CNST: variants seen among roughly 807,000 people sequenced by gnomAD.
The protein encoded by CNST is consortin.
A neutral mutation model predicts 72.4 loss-of-function variants in CNST; 39 were observed. That is an observed-to-expected ratio of 0.54 (90% confidence interval 0.42 to 0.70). The LOEUF (loss-of-function observed/expected upper bound fraction) is 0.70, where lower values mean the gene tolerates loss of function less well. CNST is among the 30% of genes least tolerant of loss of function. The pLI, the probability that CNST is intolerant of heterozygous loss-of-function variation, is 0.00. For synonymous variants in CNST, 332 were observed against 320.1 expected, an observed-to-expected ratio of 1.04 and a Z score of -0.40; for missense variants, 871 against 868.5, an observed-to-expected ratio of 1.00 and a Z score of -0.04.
At chr1:246,598,048 G>A (rs868356140) in intron 2 of CNST, among the ~76,000 whole-genome samples, 2 of 152,026 alleles carry the variant, frequency 1.3e-5, no homozygotes, top group African/African-American at 4.8e-5. Context: ...TGGCGTGCTC[G>A]TGGCTCAAAA....
intron 2 of CNST, among the ~76,000 whole-genome samples, chr1:246,620,603 G>A (rs113185063): frequency 1.5e-5 from 2 of 135,060 alleles, no homozygotes; most frequent in South Asian, 2.5e-4. Flanking sequence ...GGCTTCAGTC[G>A]TGCATACACA....
chr1:246,655,735 A>G (rs1666736453), intron 9 of CNST, among the ~76,000 whole-genome samples: 1 of 152,246 alleles, frequency 6.6e-6, no homozygotes, highest in Non-Finnish European at 1.5e-5. Context: ...GAGGTTTGAT[A>G]CTGAATTTGT....
At chr1:246,586,111 A>ATATATATGTGTGTGTGTGTGTG (rs777928408) in intron 1 of CNST, among the ~76,000 whole-genome samples, 5 of 102,700 alleles carry the variant, frequency 4.9e-5, no homozygotes, top group African/African-American at 2.0e-4. Context: ...ATATATATAT[A>ATATATATGTGTGTGTGTGTGTG]TGTGTGTGTG....
At chr1:246,568,644 C>T (rs1156284799) in intron 1 of CNST, among the ~76,000 whole-genome samples, 3 of 152,188 alleles carry the variant, frequency 2.0e-5, no homozygotes, top group Non-Finnish European at 4.4e-5. Context: ...GGTGCCATCT[C>T]GGTTCACTGC....
At chr1:246,663,404 T>C (rs1365563829) in intron 10 of CNST, among the ~76,000 whole-genome samples, 1 of 151,940 alleles carries the variant, frequency 6.6e-6, no homozygotes, top group African/African-American at 2.4e-5. Context: ...AATATGATCC[T>C]ATTTCTTCAT....
intron 6 of CNST, among the ~76,000 whole-genome samples, chr1:246,641,161 CA>C (rs1259109840): frequency 6.6e-6 from 1 of 152,170 alleles, no homozygotes; most frequent in Non-Finnish European, 1.5e-5. Context: ...TGTTTTATTG[CA>C]GTACAGATTT....
At chr1:246,595,026 A>G (rs1661788073) in intron 2 of CNST, among the ~76,000 whole-genome samples, 1 of 152,170 alleles carries the variant, frequency 6.6e-6, no homozygotes, top group Non-Finnish European at 1.5e-5. Flanking sequence ...TATATTTTAC[A>G]GATACATTTT....
intron 9 of CNST, among the ~76,000 whole-genome samples, chr1:246,652,269 G>C (rs1418260220): frequency 6.6e-6 from 1 of 152,100 alleles, no homozygotes; most frequent in Non-Finnish European, 1.5e-5. Flanking sequence ...GACTCAGAGG[G>C]AGCTCCTAGC....
At chr1:246,644,129 G>A (rs893955890) in intron 8 of CNST, among the ~76,000 whole-genome samples, 7 of 152,230 alleles carry the variant, frequency 4.6e-5, no homozygotes, top group East Asian at 1.9e-4. Context: ...TGCCGGGCGC[G>A]ATGGCTCATG....
At position 246,665,813 on chromosome 1, in the gene CNST, G is replaced by A. The variant is rs377560988; in HGVS notation, c.2086G>A (p.Val696Ile). Reference sequence around the variant, plus strand: ...CACTTTCGGTGACATGGAGTCACCTGTTTGTACTGACTTTGCAGACAACAT... The same window carrying A: ...CACTTTCGGTGACATGGAGTCACCTATTTGTACTGACTTTGCAGACAACAT... ...YCTFGDMESP[V>I]CTDFADNMDF... is the part of the protein sequence containing the mutation. Residue 696 changes from valine (V) to isoleucine (I), a missense_variant, in exon 11 of 11, where the codon GTT (valine) becomes ATT (isoleucine). Val to Ile is a conservative substitution (Grantham distance 29). Transcript: ENST00000366513. 1 of 1,613,700 alleles carries A rather than the reference G, an allele frequency of 6.2e-7. No homozygotes were observed. The highest frequency in any genetic ancestry group is 8.5e-7 in the Non-Finnish European group (1 of 1,179,764).
At chr1:246,663,622 C>T (rs1045194396) in intron 10 of CNST, among the ~76,000 whole-genome samples, 3 of 152,044 alleles carry the variant, frequency 2.0e-5, no homozygotes, top group Non-Finnish European at 4.4e-5. Flanking sequence ...TGCCTGTAAT[C>T]TCAGCTACCC....
chr1:246,645,622 T>C (rs901871182), intron 8 of CNST, among the ~76,000 whole-genome samples: 3 of 150,972 alleles, frequency 2.0e-5, no homozygotes, highest in Non-Finnish European at 2.9e-5. Flanking sequence ...AGAGACGGGG[T>C]TTCACCGTGT....
Position 246,667,820 on chromosome 1 carries a change from A to T in CNST, c.*1915A>T, listed in dbSNP as rs1667445656. On this transcript the variant is annotated 3_prime_UTR_variant, in exon 11 of 11. Transcript: ENST00000366513. ...GGTGATGCTTATTTTTGCCAATTTTATGTCAAAATAAGTTAAAACTTCCCT... is the reference window on the plus strand; with the variant it reads ...GGTGATGCTTATTTTTGCCAATTTTTTGTCAAAATAAGTTAAAACTTCCCT... 6.6e-6 allele frequency: 1 copy of T among 152,194 alleles called. No individual in the cohort carries two copies. The allele number at this position is 152,194 out of a possible 1,614,324, so 9.4% of individuals were successfully genotyped here.
intron 1 of CNST, among the ~76,000 whole-genome samples, chr1:246,577,812 T>C (rs1444560111): frequency 6.6e-6 from 1 of 152,106 alleles, no homozygotes; most frequent in African/African-American, 2.4e-5. Context: ...TAAAACAGTC[T>C]GTGCATGGTG....
At chr1:246,585,508 G>A (rs1286282959) in intron 1 of CNST, among the ~76,000 whole-genome samples, 2 of 151,572 alleles carry the variant, frequency 1.3e-5, no homozygotes, top group East Asian at 3.9e-4. Context: ...TTAGCCAGGC[G>A]TAGTGGTGCA....
intron 1 of CNST, among the ~76,000 whole-genome samples, chr1:246,572,690 T>G (rs1364100612): frequency 6.6e-6 from 1 of 152,076 alleles, no homozygotes; most frequent in East Asian, 1.9e-4. Context: ...ATAGTGGAGT[T>G]ATTTATTTAT....
chr1:246,601,219 C>A (rs1164021724), intron 2 of CNST, among the ~76,000 whole-genome samples: 1 of 152,034 alleles, frequency 6.6e-6, no homozygotes, highest in African/African-American at 2.4e-5. Context: ...GCAGGAGGAT[C>A]ACTTGAGCCT....
At chr1:246,589,644 T>C (rs1661420282) in intron 1 of CNST, among the ~76,000 whole-genome samples, 1 of 152,218 alleles carries the variant, frequency 6.6e-6, no homozygotes. Flanking sequence ...ATGGGATGGC[T>C]GGGTCAAATG....
At chr1:246,665,515 T>A (rs1667352348) in intron 10 of CNST, among the ~76,000 whole-genome samples, 185 bp from the exon 11 acceptor site, 1 of 152,270 alleles carries the variant, frequency 6.6e-6, no homozygotes, top group South Asian at 2.1e-4. Flanking sequence ...CAAGTCTGAA[T>A]CTTCTTGGTA....
Sources: gnomAD v4.1 joint callset for allele counts (sites outside exome capture counted in the v4.1 genomes callset) on GRCh38, gnomAD v4.1.1 for gene constraint, MANE v1.5 for transcripts, NCBI Gene and HGNC (gene_info 2026-07-23, HGNC 2026-07-21) for gene names.